Variants in ROBO3 observed in about 807,000 individuals in gnomAD.
ROBO3 encodes roundabout guidance receptor 3.
A neutral mutation model predicts 160.5 loss-of-function variants in ROBO3; 97 were observed. The ratio of observed to expected loss-of-function variants is 0.60; its 90% CI spans 0.51 to 0.72. ROBO3 has a LOEUF of 0.72. ROBO3 is among the 30% of genes least tolerant of loss of function. The pLI is 0.00. For missense variants in ROBO3, 1,858 were observed against 1,846.5 expected, an observed-to-expected ratio of 1.01 and a Z score of -0.11; for synonymous variants, 780 against 746.2, an observed-to-expected ratio of 1.05 and a Z score of -0.74.
At position 124,878,864 on chromosome 11, in the gene ROBO3, G is replaced by A. The variant is rs1428061224; in HGVS notation, c.3533+68G>A. 7.6e-7 allele frequency: 1 copy of A among 1,307,240 alleles called. No individual in the cohort carries two copies. The highest frequency in any genetic ancestry group is 1.5e-5 in the African/African-American group (1 of 68,852). 81.0% of individuals were successfully genotyped at this position (1,307,240 alleles called of 1,614,324 possible). A position where few individuals can be genotyped will look rare whatever the true frequency, so the allele number is the denominator to read the frequency against. On this transcript the variant is annotated intron_variant, in intron 23 of 27. Transcript: ENST00000397801. The surrounding 1 kb of genome is among the most constrained non-coding windows in gnomAD (Gnocchi z 4.3). The stretch of plus-strand genomic sequence containing the variant: ...ACGTATCTACTCAGTAGATGACTGG[G>A]TGGGTGGATGGATGGATGGGTGGAT...
At position 124,874,899 on chromosome 11, in the gene ROBO3, T is replaced by A. The variant is rs1478579921; in HGVS notation, c.2063T>A (p.Val688Glu). The change falls in exon 13 of 28, where the codon GTG (valine) becomes GAG (glutamate). Residue 688 changes from valine to glutamate, a missense_variant. By Grantham distance (121) the Val-to-Glu change is moderately radical. Coordinates refer to ENST00000397801, the MANE Select transcript of ROBO3 (RefSeq NM_022370.4). ...GTCCTGGGACCCCGGACCCTGCAGG[T>A]GTCCTGGACTGTGAGTGTGGTATGG... ...PIVLGPRTLQ[V>E]SWTVDGPVQL... is the part of the protein sequence containing the mutation. The A allele has an allele frequency of 1.2e-6, 2 of 1,603,726 alleles. No individual in the cohort carries two copies. The highest frequency in any genetic ancestry group is 1.7e-6 in the Non-Finnish European group (2 of 1,175,388).
rs752983747 is a variant in ROBO3, at chr11:124,875,068, C to T, written c.2074-43C>T. The T allele has an allele frequency of 1.1e-4, 176 of 1,541,288 alleles. 1 individual carries two copies. The Admixed American group carries it at 3.4e-3, about 29-fold the overall frequency. ...TGGATGGCCTGGAGGGCCTGTATGG[C>T]CCCAGCCTCCCCTTCTGGTGTGCCT... On this transcript the variant is annotated intron_variant, in intron 13 of 27. Transcript: ENST00000397801.
At chr11:124,877,844 AAGTTG>A (rs1403850583) in intron 20 of ROBO3, 88 bp from the exon 21 acceptor site, 7 of 1,175,744 alleles carry the variant, frequency 6.0e-6, no homozygotes, top group Non-Finnish European at 8.6e-6. Flanking sequence ...GTGGGGGAAG[AAGTTG>A]ATCCCGTGGG....
In ROBO3 at chr11:124,872,608, A is replaced by C. The variant is rs776807277; in HGVS notation, c.1330+56A>C. 1.3e-6 allele frequency: 2 copies of C among 1,521,404 alleles called. No homozygotes were observed. Among genetic ancestry groups the C allele is most frequent in the Admixed American group, 1.8e-5 (1 of 56,710 alleles). The allele number at this position is 1,521,404 out of a possible 1,614,324, so 94.2% of individuals were successfully genotyped here. A position where few individuals can be genotyped will look rare whatever the true frequency, so the allele number is the denominator to read the frequency against. ...ATGGCTTGGGAGGAAATAATGGCCT[A>C]AAGTGATGTGTTTCTCTTGGAGTCT... On this transcript the variant is annotated intron_variant, in intron 8 of 27. Coordinates refer to ENST00000397801, the MANE Select transcript of ROBO3 (RefSeq NM_022370.4). The surrounding 1 kb of genome is among the most constrained non-coding windows in gnomAD (Gnocchi z 4.3).
chr11:124,880,571 G>A lies in ROBO3; in HGVS notation c.4112G>A (p.Arg1371Gln), dbSNP rs745378755. The change falls in exon 27 of 28, where the codon CGG becomes CAG. Residue 1371 changes from arginine to glutamine, a missense_variant. Physicochemically the swap from Arg to Gln is conservative, Grantham distance 43. Coordinates refer to ENST00000397801, the MANE Select transcript of ROBO3 (RefSeq NM_022370.4). The stretch of plus-strand genomic sequence containing the variant: ...CGGAGCCGGAGTCGGAGTCAGAGCC[G>A]GAGCCAGAGCCAAAGGCCAGGACAG... ...PGRSRSRSQS[R>Q]SQSQRPGQKR... 20 of 1,552,328 alleles carry A rather than the reference G, an allele frequency of 1.3e-5. No individual in the cohort carries two copies. Among genetic ancestry groups the A allele is most frequent in the South Asian group, 5.9e-5 (5 of 84,258 alleles).
Position 124,865,572 on chromosome 11 carries a change from C to G in ROBO3, c.-6C>G. 4 of 1,610,468 alleles carry G rather than the reference C, an allele frequency of 2.5e-6. No individual in the cohort carries two copies. Among genetic ancestry groups the G allele is most frequent in the Non-Finnish European group, 2.5e-6 (3 of 1,179,504 alleles). ...CCCCCAGTCCCGATCCCAGCTGGGT[C>G]GAGCCATGCTGCGCTACCTGCTGAA... On this transcript the variant is annotated 5_prime_UTR_variant, in exon 1 of 28. Coordinates refer to ENST00000397801, the MANE Select transcript of ROBO3 (RefSeq NM_022370.4). This position sits in a 1 kb window ranked among gnomAD's most constrained non-coding sequence, Gnocchi z 5.5.
rs1393951620 is a variant in ROBO3 at position 124,869,014 on chromosome 11, T to C, written c.373T>C (p.Phe125Leu). The change falls in exon 2 of 28, where the codon TTC (phenylalanine) becomes CTC (leucine). Residue 125 changes from phenylalanine to leucine, a missense_variant. Coordinates refer to ENST00000397801, the MANE Select transcript of ROBO3 (RefSeq NM_022370.4). The surrounding 1 kb of genome is among the most constrained non-coding windows in gnomAD (Gnocchi z 4.2). ...GCTGCTGCCCAGCGGCGCCCTCTTC[T>C]TCCCGCGCATCGTGCACGGGCGCCG... ...RLLLPSGALF[F>L]PRIVHGRRAR... 1 of 1,600,878 alleles carries C rather than the reference T, an allele frequency of 6.2e-7. No homozygotes were observed. Among genetic ancestry groups the C allele is most frequent in the East Asian group, 2.3e-5 (1 of 44,314 alleles).
In ROBO3 at chr11:124,865,740, G is replaced by T; in HGVS notation, c.160+3G>T. On this transcript the variant is annotated splice_donor_region_variant and intron_variant, in intron 1 of 27. Coordinates refer to ENST00000397801, the MANE Select transcript of ROBO3 (RefSeq NM_022370.4). The surrounding 1 kb of genome is among the most constrained non-coding windows in gnomAD (Gnocchi z 5.5). The stretch of plus-strand genomic sequence containing the variant: ...TCCCGGCGATCCCTCTCTCAACGGT[G>T]AGACCCTGCCTCTTGGGGATATGGG... 6.2e-7 allele frequency: 1 copy of T among 1,605,412 alleles called. No individual in the cohort carries two copies.
At chr11:124,879,366 C>T (rs1239084159) in intron 24 of ROBO3, 25 bp downstream of exon 24, 2 of 1,604,584 alleles carry the variant, frequency 1.2e-6, no homozygotes, top group African/African-American at 1.3e-5. Context: ...CCTCCTTTTG[C>T]CCCCCGGCTC....
At position 124,865,515 on chromosome 11, in the gene ROBO3, A is replaced by G; in HGVS notation, c.-63A>G. ...TGGAGGGGCTTACGGCTCCCAGCCCACGGGTCTCAGACCCAGGGGCTGGGC... is the reference window on the plus strand; with the variant it reads ...TGGAGGGGCTTACGGCTCCCAGCCCGCGGGTCTCAGACCCAGGGGCTGGGC... On this transcript the variant is annotated 5_prime_UTR_variant, in exon 1 of 28. Transcript: ENST00000397801. This position sits in a 1 kb window ranked among gnomAD's most constrained non-coding sequence, Gnocchi z 5.5. 1 of 1,537,496 alleles carries G rather than the reference A, an allele frequency of 6.5e-7. No individual in the cohort carries two copies. Among genetic ancestry groups the G allele is most frequent in the Non-Finnish European group, 8.8e-7 (1 of 1,130,650 alleles).
intron 7 of ROBO3, among the ~76,000 whole-genome samples, chr11:124,871,844 T>G (rs1946282956): frequency 6.6e-6 from 1 of 152,250 alleles, no homozygotes. Context: ...TGCTGAATTC[T>G]AATTAGATTC....
At position 124,878,384 on chromosome 11, in the gene ROBO3, CCTT is replaced by C. The variant is rs752669677; in HGVS notation, c.3272_3274del (p.Ser1091del). The C allele has an allele frequency of 2.5e-6, 4 of 1,613,994 alleles. No individual in the cohort carries two copies. The highest frequency in any genetic ancestry group is 1.7e-4 in the Middle Eastern group (1 of 6,060). ...GCCAGAAGCCCTGCCCCCACCTCCT[CCTT>C]CTTGTGAACTGAGCTGCCTAGAAGG... On this transcript the variant is annotated inframe_deletion, in exon 22 of 28. Coordinates refer to ENST00000397801, the MANE Select transcript of ROBO3 (RefSeq NM_022370.4). This position sits in a 1 kb window ranked among gnomAD's most constrained non-coding sequence, Gnocchi z 4.3.
chr11:124,879,205 G>C lies in ROBO3; in HGVS notation c.3549G>C (p.Gly1183=). 1 of 1,551,808 alleles carries C rather than the reference G, an allele frequency of 6.4e-7. No homozygotes were observed. The highest frequency in any genetic ancestry group is 1.2e-5 in the South Asian group (1 of 84,084). The change falls in exon 24 of 28, where the codon GGG becomes GGC. Residue 1183 remains glycine (G), a synonymous_variant. Coordinates refer to ENST00000397801, the MANE Select transcript of ROBO3 (RefSeq NM_022370.4). ...LHQMPRRVPL[G]PSSPLSVSQP... ...GTCATTGCAGGAGGGTGCCCCTTGG[G>C]CCGAGTTCCCCTCTCAGTGTATCCC...
At position 124,865,868 on chromosome 11, in the gene ROBO3, G is replaced by A. The variant is rs554344863; in HGVS notation, c.160+131G>A. The A allele has an allele frequency of 1.9e-4, 199 of 1,062,900 alleles. No individual in the cohort carries two copies. The Middle Eastern group carries it at 5.5e-3, about 29-fold the overall frequency. The allele number at this position is 1,062,900 out of a possible 1,614,324, so 65.8% of individuals were successfully genotyped here. A position where few individuals can be genotyped will look rare whatever the true frequency, so the allele number is the denominator to read the frequency against. On this transcript the variant is annotated intron_variant, in intron 1 of 27. Transcript: ENST00000397801. This position sits in a 1 kb window ranked among gnomAD's most constrained non-coding sequence, Gnocchi z 5.5. ...GTGGCGCCTCCCAGCGCCTCCCTGG[G>A]TCGTGGGGTCTAAGGGATAATTTGG...
rs1946454083 is a variant in ROBO3, at chr11:124,878,238, T to G, written c.3182-60T>G. 1.9e-6 allele frequency: 3 copies of G among 1,595,378 alleles called. No homozygotes were observed. The highest frequency in any genetic ancestry group is 2.6e-6 in the Non-Finnish European group (3 of 1,169,094). On this transcript the variant is annotated intron_variant, in intron 21 of 27. Coordinates refer to ENST00000397801, the MANE Select transcript of ROBO3 (RefSeq NM_022370.4). This position sits in a 1 kb window ranked among gnomAD's most constrained non-coding sequence, Gnocchi z 4.3. ...CCTAGCCCGGCACTTCCTTCTGACC[T>G]GTCTCATCTCTGGCTCTTTCCTGCC...
rs1452326503 is a variant in ROBO3, at chr11:124,878,881, T to C, written c.3533+85T>C. On this transcript the variant is annotated intron_variant, in intron 23 of 27. Transcript: ENST00000397801. The surrounding 1 kb of genome is among the most constrained non-coding windows in gnomAD (Gnocchi z 4.3). ...ATGACTGGGTGGGTGGATGGATGGATGGGTGGATGGATCTGGGGTACAGAG... is the reference window on the plus strand; with the variant it reads ...ATGACTGGGTGGGTGGATGGATGGACGGGTGGATGGATCTGGGGTACAGAG... The C allele has an allele frequency of 6.0e-6, 7 of 1,168,782 alleles. No homozygotes were observed. The East Asian group carries it at 1.3e-4, about 21-fold the overall frequency. The allele number at this position is 1,168,782 out of a possible 1,614,324, so 72.4% of individuals were successfully genotyped here.
rs1368365058 is a variant in ROBO3, at chr11:124,878,568, G to A, written c.3321-16G>A. 1.9e-6 allele frequency: 3 copies of A among 1,608,102 alleles called. No individual in the cohort carries two copies. The highest frequency in any genetic ancestry group is 1.7e-6 in the Non-Finnish European group (2 of 1,177,340). ...CAGCTGAGCCCTTTCCTTCTCTCCT[G>A]CCTCTTTGATCCCAGCTCAGAGCCA... On this transcript the variant is annotated splice_polypyrimidine_tract_variant and intron_variant, in intron 22 of 27. Transcript: ENST00000397801. The surrounding 1 kb of genome is among the most constrained non-coding windows in gnomAD (Gnocchi z 4.3).
rs780507214 is a variant in ROBO3, at chr11:124,876,113, C to A, written c.2581C>A (p.Leu861Met). Reference sequence around the variant, plus strand: ...CGTGGGCGTGCCCAGTGCCCCAGTGCTGGTGCAGCTGCGTGAGTCCACCCG... The same window carrying A: ...CGTGGGCGTGCCCAGTGCCCCAGTGATGGTGCAGCTGCGTGAGTCCACCCG... ...AGVGVPSAPV[L>M]VQLPSPPDLE... The change falls in exon 16 of 28, where the codon CTG becomes ATG. Residue 861 changes from leucine to methionine, a missense_variant. Transcript: ENST00000397801. This position sits in a 1 kb window ranked among gnomAD's most constrained non-coding sequence, Gnocchi z 5.3. 1.2e-6 allele frequency: 2 copies of A among 1,601,372 alleles called. No homozygotes were observed. The highest frequency in any genetic ancestry group is 1.7e-6 in the Non-Finnish European group (2 of 1,176,752).
Position 124,869,437 on chromosome 11 carries a change from C to CCCCCCCCCCCCA in ROBO3, c.488-12_488-11insCCCCCCCCCCAC. Reference sequence around the variant, plus strand: ...TACACCCTGCTTATTTCGCCCCCCACCGCCCCGCCCAGTCCTCCGTGATGA... The same window carrying CCCCCCCCCCCCA: ...TACACCCTGCTTATTTCGCCCCCCACCCCCCCCCCCCACGCCCCGCCCAGTCCTCCGTGATGA... On this transcript the variant is annotated splice_polypyrimidine_tract_variant and intron_variant, in intron 2 of 27. Coordinates refer to ENST00000397801, the MANE Select transcript of ROBO3 (RefSeq NM_022370.4). The surrounding 1 kb of genome is among the most constrained non-coding windows in gnomAD (Gnocchi z 4.2). 7.0e-7 allele frequency: 1 copy of CCCCCCCCCCCCA among 1,436,000 alleles called. No individual in the cohort carries two copies. Among genetic ancestry groups the CCCCCCCCCCCCA allele is most frequent in the Non-Finnish European group, 9.6e-7 (1 of 1,046,456 alleles). The allele number at this position is 1,436,000 out of a possible 1,614,324, so 89.0% of individuals were successfully genotyped here. A position where few individuals can be genotyped will look rare whatever the true frequency, so the allele number is the denominator to read the frequency against.
Sources: gnomAD v4.1 joint callset for allele counts (sites outside exome capture counted in the v4.1 genomes callset) on GRCh38, gnomAD v4.1.1 for gene constraint, Gnocchi (gnomAD v3.1) non-coding constraint, MANE v1.5 for transcripts, NCBI Gene and HGNC (gene_info 2026-07-23, HGNC 2026-07-21) for gene names.